GDA: variants seen among roughly 807,000 people sequenced by gnomAD.
The protein encoded by GDA is cytoplasmic PSD-95 interactor.
GDA carries 18 observed loss-of-function variants against 59.6 expected under a neutral mutation model. The ratio of observed to expected loss-of-function variants is 0.30; its 90% confidence interval spans 0.21 to 0.45. The LOEUF is 0.45. Among genes scored for constraint, GDA ranks in the 20% least tolerant of loss-of-function variants. The pLI, the probability that GDA is intolerant of heterozygous loss-of-function variation, is 1.00. For synonymous variants in GDA, 201 were observed against 201.1 expected, an observed-to-expected ratio of 1.00 and a Z score of 0.00; for missense variants, 427 against 552.3, an observed-to-expected ratio of 0.77 and a Z score of 2.27.
chr9:72,255,339 G>A (rs764916229), downstream of GDA, among the ~76,000 whole-genome samples: 2 of 152,166 alleles, frequency 1.3e-5, no homozygotes, highest in Non-Finnish European at 1.5e-5. Context: ...TGGTGGGAGT[G>A]TCTTATGCTA....
At position 72,248,894 on chromosome 9, in the gene GDA, C is replaced by T. The variant is rs528397095; in HGVS notation, c.*552C>T. Reference sequence around the variant, plus strand: ...AATTTAAAACGTGTTTCTAGGTTGACCTTGTGTTTTAGAAATTTGCACTTA... The same window carrying T: ...AATTTAAAACGTGTTTCTAGGTTGATCTTGTGTTTTAGAAATTTGCACTTA... On this transcript the variant is annotated 3_prime_UTR_variant, in exon 14 of 14. Transcript: ENST00000358399. 158 of 985,604 alleles carry T rather than the reference C, an allele frequency of 1.6e-4. No homozygotes were observed. The highest frequency in any genetic ancestry group is 5.2e-4 in the Middle Eastern group (1 of 1,912). The allele number at this position is 985,604 out of a possible 1,614,324, so 61.1% of individuals were successfully genotyped here.
intron 1 of GDA, among the ~76,000 whole-genome samples, chr9:72,176,292 C>G (rs931055841): frequency 5.3e-5 from 8 of 152,200 alleles, no homozygotes; most frequent in African/African-American, 1.2e-4. Context: ...CCTAGACAAC[C>G]TAACAGTGAG....
At chr9:72,168,282 C>G (rs906596429) in intron 1 of GDA, among the ~76,000 whole-genome samples, 1 of 151,916 alleles carries the variant, frequency 6.6e-6, no homozygotes, top group African/African-American at 2.4e-5. Context: ...TGCCTGTGGT[C>G]CCAGCTACGC....
At chr9:72,132,706 T>C (rs79083125) in intron 1 of GDA, among the ~76,000 whole-genome samples, 17,767 of 152,118 alleles carry the variant, frequency 0.12, 2,134 homozygotes, top group African/African-American at 0.3. Context: ...TCCCAGACTA[T>C]TGAGGTTTTA....
At chr9:72,216,611 G>A (rs1471161990) in intron 5 of GDA, among the ~76,000 whole-genome samples, 2 of 152,066 alleles carry the variant, frequency 1.3e-5, no homozygotes, top group South Asian at 2.1e-4. Context: ...GATATGAAAT[G>A]TATAGAAAAT....
Position 72,202,712 on chromosome 9 carries a change from C to G in GDA, c.354C>G (p.Asp118Glu). The part of the protein sequence containing the change: ...FPAEHRFQNI[D>E]FAEEVYTRVV... ...CAGAACACAGATTCCAGAACATCGACTTTGCAGAAGAAGTATATACCAGAG... is the reference window on the plus strand; with the variant it reads ...CAGAACACAGATTCCAGAACATCGAGTTTGCAGAAGAAGTATATACCAGAG... The change falls in exon 3 of 14, where the codon GAC (aspartate) becomes GAG (glutamate). Residue 118 changes from aspartate to glutamate, a missense_variant. By Grantham distance (45) the Asp-to-Glu change is conservative. Coordinates refer to ENST00000358399, the MANE Select transcript of GDA (RefSeq NM_004293.5). The G allele has an allele frequency of 6.2e-7, 1 of 1,613,618 alleles. No homozygotes were observed. Among genetic ancestry groups the G allele is most frequent in the Non-Finnish European group, 8.5e-7 (1 of 1,179,822 alleles).
chr9:72,136,064 G>A (rs1826213731), intron 1 of GDA, among the ~76,000 whole-genome samples: 2 of 151,902 alleles, frequency 1.3e-5, no homozygotes, highest in Admixed American at 1.3e-4. Flanking sequence ...AATTATTTAA[G>A]TAGAAAACTT....
intron 1 of GDA, among the ~76,000 whole-genome samples, chr9:72,115,716 C>A (rs539925910): frequency 1.3e-5 from 2 of 152,084 alleles, no homozygotes; most frequent in Admixed American, 6.5e-5. Flanking sequence ...ACCACAAAAA[C>A]GTAAAATACA....
At chr9:72,137,727 T>C (rs147158474) in intron 1 of GDA, among the ~76,000 whole-genome samples, 91 of 152,174 alleles carry the variant, frequency 6.0e-4, no homozygotes, top group Non-Finnish European at 1.1e-3. Flanking sequence ...CTGCTAAACA[T>C]CTTAGATCCC....
intron 6 of GDA, among the ~76,000 whole-genome samples, chr9:72,222,439 G>A (rs913238036): frequency 6.6e-6 from 1 of 152,006 alleles, no homozygotes; most frequent in African/African-American, 2.4e-5. Context: ...ATTTGTCTAA[G>A]TTCCTTATAG....
intron 7 of GDA, among the ~76,000 whole-genome samples, chr9:72,224,238 G>A (rs1452970895): frequency 1.3e-5 from 2 of 152,092 alleles, no homozygotes; most frequent in African/African-American, 4.8e-5. Context: ...GATGCATGTG[G>A]ATGTATGCAC....
At chr9:72,115,484 A>G (rs568039489) in intron 1 of GDA, among the ~76,000 whole-genome samples, 4 of 152,350 alleles carry the variant, frequency 2.6e-5, no homozygotes, top group African/African-American at 9.6e-5. Context: ...CACATGTCTT[A>G]AAAACTTGGG....
chr9:72,145,261 A>G (rs537069920), upstream of GDA, among the ~76,000 whole-genome samples: 2 of 152,326 alleles, frequency 1.3e-5, no homozygotes, highest in East Asian at 3.9e-4. Flanking sequence ...GTTGTAGATG[A>G]CAGCCCACAG....
At chr9:72,256,658 G>A (rs764861093), downstream of GDA, among the ~76,000 whole-genome samples, 4 of 152,234 alleles carry the variant, frequency 2.6e-5, no homozygotes, top group Non-Finnish European at 5.9e-5. Context: ...TTCTGGAAAA[G>A]TAAGATAAGA....
chr9:72,196,383 G>A (rs1474029079), intron 2 of GDA, among the ~76,000 whole-genome samples: 2 of 151,720 alleles, frequency 1.3e-5, no homozygotes, highest in East Asian at 3.9e-4. Flanking sequence ...CTACCTGGGT[G>A]GCTGAGGCAG....
intron 1 of GDA, among the ~76,000 whole-genome samples, chr9:72,142,190 A>C (rs1440992529): frequency 6.6e-6 from 1 of 152,158 alleles, no homozygotes; most frequent in African/African-American, 2.4e-5. Flanking sequence ...TCTTTGATGA[A>C]TGAGAAGTGG....
chr9:72,115,975 T>C (rs1193691145), intron 1 of GDA, among the ~76,000 whole-genome samples: 1 of 152,224 alleles, frequency 6.6e-6, no homozygotes, highest in East Asian at 1.9e-4. Context: ...GGCTCACGCC[T>C]GTAATCCCAG....
chr9:72,141,229 G>A (rs1010876424), intron 1 of GDA, among the ~76,000 whole-genome samples: 1 of 152,058 alleles, frequency 6.6e-6, no homozygotes, highest in African/African-American at 2.4e-5. Context: ...TCTCAGAGAT[G>A]GTTTCTTCCT....
At chr9:72,240,316 A>G (rs1339226162) in intron 10 of GDA, among the ~76,000 whole-genome samples, 3 of 152,210 alleles carry the variant, frequency 2.0e-5, no homozygotes, top group African/African-American at 7.2e-5. Flanking sequence ...TCTCATCTGG[A>G]TTAGAACAAG....
Sources: gnomAD v4.1 joint callset for allele counts (sites outside exome capture counted in the v4.1 genomes callset) on GRCh38, gnomAD v4.1.1 for gene constraint, MANE v1.5 for transcripts, NCBI Gene and HGNC (gene_info 2026-07-23, HGNC 2026-07-21) for gene names.